PKP4: variants seen among roughly 807,000 people sequenced by gnomAD.
PKP4 encodes the protein plakophilin-4.
PKP4 carries 90 observed loss-of-function variants against 145.1 expected under a neutral mutation model. The ratio of observed to expected loss-of-function variants is 0.62; its 90% CI spans 0.52 to 0.74. The LOEUF (loss-of-function observed/expected upper bound fraction) is 0.74. Ranked by LOEUF, PKP4 falls within the 30% of genes least tolerant of loss-of-function variation. The pLI is 0.00. For missense variants in PKP4, 1,340 were observed against 1,482.7 expected (o/e 0.90, Z 1.58); for synonymous variants, 563 against 577.2 (o/e 0.98, Z 0.35).
intron 3 of PKP4, among the ~76,000 whole-genome samples, chr2:158,600,902 A>G (rs1053215916): frequency 5.3e-5 from 8 of 152,298 alleles, no homozygotes; most frequent in Admixed American, 1.3e-4. Flanking sequence ...AGGAATACCT[A>G]TTATATTTTG....
chr2:158,607,974 C>A (rs1297613695), intron 4 of PKP4, among the ~76,000 whole-genome samples: 8 of 151,932 alleles, frequency 5.3e-5, no homozygotes, highest in African/African-American at 1.9e-4. Context: ...TAGAAAAAAA[C>A]AATAAGACCT....
Position 158,666,467 on chromosome 2 carries a change from G to A in PKP4, c.2632G>A (p.Val878Met). 6.2e-7 allele frequency: 1 copy of A among 1,613,210 alleles called. No individual in the cohort carries two copies. Among genetic ancestry groups the A allele is most frequent in the Non-Finnish European group, 8.5e-7 (1 of 1,179,644 alleles). The change falls in exon 16 of 22, where the codon GTG (valine) becomes ATG (methionine). Residue 878 changes from valine (V) to methionine (M), a missense_variant. Transcript: ENST00000389759. The part of the protein sequence containing the change: ...VRKEKGLPIL[V>M]ELLRMDNDRV... The stretch of plus-strand genomic sequence containing the variant: ...AAAAGAAAAGGGGCTCCCCATCCTT[G>A]TGGAGCTTCTGAGAATGGATAACGA...
At chr2:158,505,001 A>G (rs115793928) in intron 1 of PKP4, among the ~76,000 whole-genome samples, 1 of 152,174 alleles carries the variant, frequency 6.6e-6, no homozygotes, top group Non-Finnish European at 1.5e-5. Flanking sequence ...TCCAAAGGAG[A>G]AAATGGACAG....
rs1014426228 is a variant in PKP4 at position 158,559,914 on chromosome 2, T to C, written c.133-17357T>C. ...CAGAGTCTCACTCTTTCTCCCAGGC[T>C]GGAGTGCAGTGGCGCGATCTTGGCT... On this transcript the variant is annotated intron_variant, in intron 2 of 21. Coordinates refer to ENST00000389759, the MANE Select transcript of PKP4 (RefSeq NM_003628.6). Among the ~76,000 whole-genome samples, 3 of 152,186 alleles carry C rather than the reference T, an allele frequency of 2.0e-5. No individual in the cohort carries two copies. The South Asian group carries it at 6.2e-4, about 32-fold the overall frequency.
At chr2:158,519,315 A>C (rs919493273) in intron 1 of PKP4, among the ~76,000 whole-genome samples, 2 of 152,004 alleles carry the variant, frequency 1.3e-5, no homozygotes, top group Admixed American at 6.6e-5. Flanking sequence ...TACAGTTTTC[A>C]GTTTTAACAC....
intron 1 of PKP4, among the ~76,000 whole-genome samples, chr2:158,476,596 GT>G: frequency 6.6e-6 from 1 of 152,170 alleles, no homozygotes; most frequent in East Asian, 1.9e-4. Flanking sequence ...CTCCCAAAGT[GT>G]TGAGATTATA....
At chr2:158,599,408 G>C (rs75146955) in intron 3 of PKP4, among the ~76,000 whole-genome samples, 4,499 of 152,304 alleles carry the variant, frequency 0.03, 168 homozygotes, top group East Asian at 0.13. Context: ...TTACACACTA[G>C]TGGGAAGAAC....
chr2:158,679,590 G>A (rs1390146415), intron 21 of PKP4, among the ~76,000 whole-genome samples: 2 of 152,142 alleles, frequency 1.3e-5, no homozygotes, highest in African/African-American at 4.8e-5. Flanking sequence ...TACTAAGTAG[G>A]GGGATTTGGG....
chr2:158,672,410 A>G (rs1326059094), intron 17 of PKP4, among the ~76,000 whole-genome samples: 2 of 152,212 alleles, frequency 1.3e-5, no homozygotes, highest in African/African-American at 4.8e-5. Context: ...TCCTGGGCAC[A>G]GTCCTGCCTG....
At position 158,644,672 on chromosome 2, in the gene PKP4, G is replaced by T. The variant is rs149868358; in HGVS notation, c.1909+1973G>T. Among the ~76,000 whole-genome samples the T allele has an allele frequency of 4.8e-3, 730 of 152,296 alleles. 2 individuals are homozygous for T. Among genetic ancestry groups the T allele is most frequent in the African/African-American group, 0.016 (668 of 41,556 alleles). On this transcript the variant is annotated intron_variant, in intron 11 of 21. Coordinates refer to ENST00000389759, the MANE Select transcript of PKP4 (RefSeq NM_003628.6). ...AAAGTTTTTAAATATGTAGATTGAT[G>T]TGGATATATGCACATGCAATAAAGT...
chr2:158,669,523 C>T, intron 16 of PKP4, 197 bp from the exon 17 acceptor site: 1 of 398,806 alleles, frequency 2.5e-6, no homozygotes, highest in Non-Finnish European at 4.5e-6. Context: ...CTGCAAGTGA[C>T]GTTGCAATAA....
chr2:158,566,125 G>A (rs2046966458), intron 2 of PKP4, among the ~76,000 whole-genome samples: 2 of 151,670 alleles, frequency 1.3e-5, no homozygotes, highest in Admixed American at 6.6e-5. Flanking sequence ...TCCTGTGTTA[G>A]GTGGTATTTG....
chr2:158,603,988 C>A (rs555552965), intron 4 of PKP4, among the ~76,000 whole-genome samples: 3 of 152,266 alleles, frequency 2.0e-5, no homozygotes, highest in African/African-American at 4.8e-5. Context: ...CAAAGAAGTT[C>A]TTTCCCCCAG....
intron 3 of PKP4, among the ~76,000 whole-genome samples, chr2:158,602,185 G>T (rs2050287312): frequency 6.6e-6 from 1 of 152,146 alleles, no homozygotes; most frequent in South Asian, 2.1e-4. Context: ...GGGATCACAA[G>T]CTGTTCTGCC....
intron 2 of PKP4, among the ~76,000 whole-genome samples, chr2:158,538,428 T>C (rs748939076): frequency 4.6e-5 from 7 of 152,188 alleles, no homozygotes; most frequent in African/African-American, 9.6e-5. Context: ...TTTTGTAGAA[T>C]TGCACATGTA....
chr2:158,595,488 C>A (rs146356584), intron 3 of PKP4, among the ~76,000 whole-genome samples: 369 of 152,162 alleles, frequency 2.4e-3, no homozygotes, highest in Non-Finnish European at 4.2e-3. Flanking sequence ...CTCAAGAAAG[C>A]TAAAGCAAAG....
At chr2:158,677,129 A>AATC (rs371737124) in intron 20 of PKP4, 98 of 440,008 alleles carry the variant, frequency 2.2e-4, no homozygotes, top group African/African-American at 1.8e-3. Flanking sequence ...TATCCAAATA[A>AATC]ATCATTTCTG....
At chr2:158,547,791 A>G (rs1574417664) in intron 2 of PKP4, among the ~76,000 whole-genome samples, 1 of 152,220 alleles carries the variant, frequency 6.6e-6, no homozygotes, top group Non-Finnish European at 1.5e-5. Context: ...ACACTGTTTT[A>G]CAAAACTCCA....
chr2:158,490,350 TAAAA>T (rs201525473), intron 1 of PKP4, among the ~76,000 whole-genome samples: 2 of 126,924 alleles, frequency 1.6e-5, no homozygotes, highest in African/African-American at 6.1e-5. Flanking sequence ...CAAATTGATT[TAAAA>T]AAAAAAAAAA....
Sources: gnomAD v4.1 joint callset for allele counts (sites outside exome capture counted in the v4.1 genomes callset) on GRCh38, gnomAD v4.1.1 for gene constraint, MANE v1.5 for transcripts, NCBI Gene and HGNC (gene_info 2026-07-23, HGNC 2026-07-21) for gene names.